Variants in ROBO2 observed in about 807,000 individuals in gnomAD.
The protein encoded by ROBO2 is roundabout guidance receptor 2, also known as roundabout homolog 2.
ROBO2 carries 53 observed loss-of-function variants against 160.8 expected under a neutral mutation model. The observed-to-expected ratio is 0.33, with a 90% CI of 0.26 to 0.41. The LOEUF (loss-of-function observed/expected upper bound fraction) is 0.41. Among genes scored for constraint, ROBO2 ranks in the 10% least tolerant of loss-of-function variants. The pLI, the probability that ROBO2 is intolerant of heterozygous loss-of-function variation, is 1.00. For synonymous variants in ROBO2, 664 were observed against 611.7 expected, an observed-to-expected ratio of 1.09 and a Z score of -1.26; for missense variants, 1,577 against 1,722.4, an observed-to-expected ratio of 0.92 and a Z score of 1.49.
At chr3:76,756,497 T>C (rs1350434113) in intron 2 of ROBO2, among the ~76,000 whole-genome samples, 1 of 151,856 alleles carries the variant, frequency 6.6e-6, no homozygotes, top group Non-Finnish European at 1.5e-5. Context: ...AAATGACCAA[T>C]GAAAATACAG....
chr3:76,934,618 G>A (rs924994618), intron 2 of ROBO2, among the ~76,000 whole-genome samples: 2 of 152,120 alleles, frequency 1.3e-5, no homozygotes, highest in African/African-American at 4.8e-5. Flanking sequence ...GTGCATGCCT[G>A]TAGTCCCAGC....
chr3:76,529,172 G>A (rs889445409), intron 2 of ROBO2, among the ~76,000 whole-genome samples: 1 of 152,182 alleles, frequency 6.6e-6, no homozygotes, highest in Non-Finnish European at 1.5e-5. Context: ...ATTAGTTTTA[G>A]ATAAGATGGT....
chr3:77,560,462 A>G (rs2093284854), intron 9 of ROBO2, among the ~76,000 whole-genome samples: 1 of 152,106 alleles, frequency 6.6e-6, no homozygotes, highest in Admixed American at 6.6e-5. Context: ...GAGGACCCCA[A>G]AATGAAAACG....
intron 2 of ROBO2, among the ~76,000 whole-genome samples, chr3:76,025,951 C>A (rs2066730592): frequency 6.6e-6 from 1 of 151,962 alleles, no homozygotes; most frequent in Non-Finnish European, 1.5e-5. Flanking sequence ...GACATTTTCT[C>A]CCCAATATTC....
chr3:77,495,436 A>C (rs1199930201), intron 5 of ROBO2, among the ~76,000 whole-genome samples: 1 of 152,164 alleles, frequency 6.6e-6, no homozygotes. Flanking sequence ...TGTATACATT[A>C]TTTGGCTCTC....
chr3:77,429,024 G>T (rs912632142), intron 2 of ROBO2, among the ~76,000 whole-genome samples: 2 of 152,116 alleles, frequency 1.3e-5, no homozygotes, highest in Non-Finnish European at 2.9e-5. Flanking sequence ...TCTAAAGTTA[G>T]ATCAGCTAAA....
chr3:77,327,548 A>G (rs1204538319), intron 2 of ROBO2, among the ~76,000 whole-genome samples: 2 of 152,170 alleles, frequency 1.3e-5, no homozygotes, highest in Non-Finnish European at 2.9e-5. Context: ...AGTAAAGTGC[A>G]TATATGGACC....
At chr3:76,653,472 T>C (rs1324961088) in intron 2 of ROBO2, among the ~76,000 whole-genome samples, 2 of 151,654 alleles carry the variant, frequency 1.3e-5, no homozygotes, top group African/African-American at 4.8e-5. Flanking sequence ...CTACTAAGTT[T>C]CTCAAATTAT....
At chr3:77,075,558 A>G (rs1406566429) in intron 1 of ROBO2, among the ~76,000 whole-genome samples, 1 of 152,102 alleles carries the variant, frequency 6.6e-6, no homozygotes, top group African/African-American at 2.4e-5. Flanking sequence ...GATGAGAATA[A>G]CTAACAGAAA....
chr3:77,082,971 G>A (rs1018619385), intron 1 of ROBO2, among the ~76,000 whole-genome samples: 3 of 151,948 alleles, frequency 2.0e-5, no homozygotes, highest in South Asian at 2.1e-4. Flanking sequence ...TCATCATTTC[G>A]GGATTCATAT....
rs117815508 is a variant in ROBO2, at chr3:76,488,625, C to A, written c.109+551023C>A. ...AAGGTCCATCCTATCTAAATACTCTCCCTTTAATTATATCTCCCAAAATCC... is the reference window on the plus strand; with the variant it reads ...AAGGTCCATCCTATCTAAATACTCTACCTTTAATTATATCTCCCAAAATCC... On this transcript the variant is annotated intron_variant, in intron 2 of 26. Coordinates refer to the ROBO2 transcript ENST00000487694. Among the ~76,000 whole-genome samples, 270 of 152,238 alleles carry A rather than the reference C, an allele frequency of 1.8e-3. 5 individuals are homozygous for A. In the East Asian group the frequency reaches 0.029, roughly 16 times the overall value.
chr3:76,192,543 C>CAT (rs1473760405), intron 2 of ROBO2, among the ~76,000 whole-genome samples: 55 of 150,622 alleles, frequency 3.7e-4, no homozygotes, highest in African/African-American at 1.3e-3. Flanking sequence ...CACACACACA[C>CAT]ACACACACAC....
chr3:77,232,053 C>T (rs888411932), intron 2 of ROBO2, among the ~76,000 whole-genome samples: 9 of 152,016 alleles, frequency 5.9e-5, no homozygotes, highest in Non-Finnish European at 1.2e-4. Flanking sequence ...TTCTTCTTGC[C>T]GAAATTCCAT....
rs58091252 is a variant in ROBO2, at chr3:76,524,826, TAAAAAAAAAAAAAAAAAAA to T, written c.110-573166_110-573148del. ...TAAAAACCTATGACCCTCTTATTCC[TAAAAAAAAAAAAAAAAAAA>T]AAAAAAAAAAAAAAAAAAAAATAAG... On this transcript the variant is annotated intron_variant, in intron 2 of 26. Transcript: ENST00000487694. Among the ~76,000 whole-genome samples the T allele has an allele frequency of 1.1e-3, 24 of 21,734 alleles. No individual in the cohort carries two copies. In the East Asian group the frequency reaches 0.022, roughly 20 times the overall value. The allele number at this position is 21,734 out of a possible 152,430, so 14.3% of individuals were successfully genotyped here.
At chr3:76,344,591 C>G (rs995724583) in intron 2 of ROBO2, among the ~76,000 whole-genome samples, 1 of 152,100 alleles carries the variant, frequency 6.6e-6, no homozygotes, top group African/African-American at 2.4e-5. Context: ...AGAAAAGGCT[C>G]TATTACTTGG....
chr3:76,797,262 A>G (rs2063771767), intron 2 of ROBO2, among the ~76,000 whole-genome samples: 2 of 152,004 alleles, frequency 1.3e-5, no homozygotes, highest in Admixed American at 6.5e-5. Context: ...TCTGACCACA[A>G]TGGAATAAAA....
At chr3:76,791,532 TCTCA>T (rs1334938607) in intron 2 of ROBO2, among the ~76,000 whole-genome samples, 3 of 151,516 alleles carry the variant, frequency 2.0e-5, no homozygotes, top group African/African-American at 7.3e-5. Context: ...TCTCTCTCTC[TCTCA>T]CACACACATA....
chr3:77,546,206 T>C (rs2092691489), intron 6 of ROBO2, 132 bp from the exon 8 acceptor site: 2 of 1,022,926 alleles, frequency 2.0e-6, no homozygotes, highest in Admixed American at 2.3e-5. Context: ...TTGAGAAATG[T>C]GTAAAAGTAA....
chr3:77,434,628 C>T (rs756910925), intron 2 of ROBO2, among the ~76,000 whole-genome samples: 1 of 151,772 alleles, frequency 6.6e-6, no homozygotes, highest in Non-Finnish European at 1.5e-5. Flanking sequence ...CCATGTACTG[C>T]GATACACTGC....
Sources: gnomAD v4.1 joint callset for allele counts (sites outside exome capture counted in the v4.1 genomes callset) on GRCh38, gnomAD v4.1.1 for gene constraint, MANE v1.5 for transcripts, NCBI Gene and HGNC (gene_info 2026-07-23, HGNC 2026-07-21) for gene names.